The following ADORA2B variants were observed in gnomAD, a reference collection of about 807,000 sequenced individuals.
ADORA2B encodes the protein adenosine A2b receptor.
In ADORA2B, 18 loss-of-function variants were observed where a neutral mutation model predicts 20.8. The ratio of observed to expected loss-of-function variants is 0.87; its 90% CI spans 0.60 to 1.29. ADORA2B has a LOEUF of 1.29. Among genes scored for constraint, ADORA2B ranks in the 50% most tolerant of loss-of-function variants. ADORA2B has a pLI of 0.00. For synonymous variants in ADORA2B, 179 were observed against 178.3 expected (o/e 1.00, Z -0.03); for missense variants, 441 against 422.7 (o/e 1.04, Z -0.38).
chr17:15,974,230 CTTG>C (rs1970220241), intron 1 of ADORA2B: 2 of 162,220 alleles, frequency 1.2e-5, no homozygotes, highest in Non-Finnish European at 2.7e-5. Context: ...TACACGTCCA[CTTG>C]TTGTAGTCCA....
chr17:15,972,599 G>A (rs902405748), intron 1 of ADORA2B, among the ~76,000 whole-genome samples: 3 of 152,062 alleles, frequency 2.0e-5, no homozygotes, highest in African/African-American at 7.2e-5. Flanking sequence ...GGCAGAGGTG[G>A]CCGCTCCCAT....
chr17:15,922,004 AAAGG>A, the ADORA2B span, among the ~76,000 whole-genome samples: 4 of 152,250 alleles, frequency 2.6e-5, no homozygotes. Flanking sequence ...TCTGTTACAA[AAAGG>A]AAGGATGACT....
chr17:15,870,922 C>T, the ADORA2B span, among the ~76,000 whole-genome samples: 1 of 152,214 alleles, frequency 6.6e-6, no homozygotes, highest in Admixed American at 6.5e-5. Context: ...TCTATTGAGG[C>T]CTTTTCTACC....
the ADORA2B span, among the ~76,000 whole-genome samples, chr17:15,929,932 A>T: frequency 6.6e-6 from 1 of 152,108 alleles, no homozygotes; most frequent in East Asian, 1.9e-4. Context: ...GAGAAAGGTG[A>T]GGTGAATGGA....
chr17:15,931,824 C>T, the ADORA2B span, among the ~76,000 whole-genome samples: 1,424 of 152,188 alleles, frequency 9.4e-3, 20 homozygotes, highest in African/African-American at 0.032. Context: ...TGCTGCCTCC[C>T]GGGTTCAAGC....
the ADORA2B span, among the ~76,000 whole-genome samples, chr17:15,931,835 C>T: frequency 6.6e-6 from 1 of 152,050 alleles, no homozygotes; most frequent in Non-Finnish European, 1.5e-5. Flanking sequence ...GGGTTCAAGC[C>T]ATTCTCGTGC....
intron 1 of ADORA2B, among the ~76,000 whole-genome samples, chr17:15,959,946 A>C (rs1193997959): frequency 6.6e-6 from 1 of 152,232 alleles, no homozygotes; most frequent in Non-Finnish European, 1.5e-5. Context: ...TTAATCTGAA[A>C]GAGTTCCTCA....
At chr17:15,927,383 T>C in the ADORA2B span, among the ~76,000 whole-genome samples, 73 of 152,108 alleles carry the variant, frequency 4.8e-4, no homozygotes, top group Non-Finnish European at 5.0e-4. Context: ...CTCAGGAGGC[T>C]GAGGCAGGAG....
chr17:15,878,634 C>T, the ADORA2B span, among the ~76,000 whole-genome samples: 1 of 152,164 alleles, frequency 6.6e-6, no homozygotes, highest in Non-Finnish European at 1.5e-5. Flanking sequence ...TCATGACAGT[C>T]TGAAACAACT....
chr17:15,957,412 G>A (rs142497182), intron 1 of ADORA2B, among the ~76,000 whole-genome samples: 5 of 152,298 alleles, frequency 3.3e-5, no homozygotes, highest in African/African-American at 1.2e-4. Flanking sequence ...TGACTGGCAA[G>A]CAGATCTGAT....
At chr17:15,933,629 A>G in the ADORA2B span, among the ~76,000 whole-genome samples, 603 of 152,228 alleles carry the variant, frequency 4.0e-3, 1 homozygote, top group Middle Eastern at 0.014. Context: ...TTAATTTTAT[A>G]TTTTGTCCAA....
chr17:15,899,075 C>CAAAACTGTGTCTCTACT, the ADORA2B span, among the ~76,000 whole-genome samples: 1 of 151,810 alleles, frequency 6.6e-6, no homozygotes, highest in African/African-American at 2.4e-5. Context: ...ACTAAAAATA[C>CAAAACTGTGTCTCTACT]AAAAATTAGC....
the ADORA2B span, among the ~76,000 whole-genome samples, chr17:15,896,172 A>G: frequency 6.6e-6 from 1 of 152,230 alleles, no homozygotes. Flanking sequence ...CCCTGGGCTT[A>G]TAGTACACAA....
the ADORA2B span, among the ~76,000 whole-genome samples, chr17:15,923,407 A>ATT: frequency 0.012 from 1,402 of 120,224 alleles, 38 homozygotes; most frequent in African/African-American, 0.048. Flanking sequence ...ATATATATAT[A>ATT]TTTTTTTTTT....
At chr17:15,903,151 CT>C in the ADORA2B span, among the ~76,000 whole-genome samples, 1 of 152,120 alleles carries the variant, frequency 6.6e-6, no homozygotes, top group Non-Finnish European at 1.5e-5. Flanking sequence ...TTTTGCTCCA[CT>C]TGAAAATTTT....
chr17:15,928,055 G>A, the ADORA2B span, among the ~76,000 whole-genome samples: 7 of 152,196 alleles, frequency 4.6e-5, no homozygotes, highest in Admixed American at 2.0e-4. Flanking sequence ...TGATCCGCCC[G>A]CCTCAGCCTC....
the ADORA2B span, among the ~76,000 whole-genome samples, chr17:15,861,886 G>A: frequency 1.3e-5 from 2 of 152,158 alleles, no homozygotes; most frequent in African/African-American, 4.8e-5. Flanking sequence ...AATTTCCCAT[G>A]ACTCTGTCCT....
intron 1 of ADORA2B, among the ~76,000 whole-genome samples, chr17:15,963,884 A>G (rs537946335): frequency 6.6e-6 from 1 of 152,326 alleles, no homozygotes. Context: ...CCACCTTCAC[A>G]TAAGACAGTG....
chr17:15,967,381 C>T (rs1293302812), intron 1 of ADORA2B, among the ~76,000 whole-genome samples: 1 of 152,124 alleles, frequency 6.6e-6, no homozygotes, highest in African/African-American at 2.4e-5. Context: ...CACAGGCATG[C>T]GCCAACACAC....
Sources: gnomAD v4.1 joint callset for allele counts (sites outside exome capture counted in the v4.1 genomes callset) on GRCh38, gnomAD v4.1.1 for gene constraint, MANE v1.5 for transcripts, NCBI Gene and HGNC (gene_info 2026-07-23, HGNC 2026-07-21) for gene names.